RALA: variants seen among roughly 807,000 people sequenced by gnomAD.
RALA encodes the protein ras-related protein Ral-A.
Under a neutral mutation model 24.0 loss-of-function variants are expected in RALA, and 5 were observed. That is an observed-to-expected ratio of 0.21 (90% CI 0.11 to 0.44). The LOEUF is 0.44. Ranked by LOEUF, RALA falls within the 20% of genes least tolerant of loss-of-function variation. RALA has a pLI of 0.99. For missense variants in RALA, 95 were observed against 241.2 expected, an observed-to-expected ratio of 0.39 and a Z score of 4.01; for synonymous variants, 77 against 83.8, an observed-to-expected ratio of 0.92 and a Z score of 0.44.
At chr7:39,675,941 A>G (rs1792479717) in intron 1 of RALA, among the ~76,000 whole-genome samples, 2 of 152,042 alleles carry the variant, frequency 1.3e-5, no homozygotes, top group Admixed American at 6.6e-5. Context: ...CTTGAAATTT[A>G]TAATGATTTG....
chr7:39,682,405 G>A (rs898434550), intron 1 of RALA, among the ~76,000 whole-genome samples: 2 of 152,074 alleles, frequency 1.3e-5, no homozygotes, highest in African/African-American at 2.4e-5. Context: ...TACTTCCACT[G>A]TCCATTCTCT....
chr7:39,664,918 A>G (rs902149855), intron 1 of RALA, among the ~76,000 whole-genome samples: 3 of 152,154 alleles, frequency 2.0e-5, no homozygotes, highest in Non-Finnish European at 4.4e-5. Flanking sequence ...AACCCATAAA[A>G]CAAAGTGATG....
intron 1 of RALA, among the ~76,000 whole-genome samples, chr7:39,655,195 G>C (rs575632062): frequency 2.2e-4 from 33 of 152,268 alleles, no homozygotes; most frequent in Non-Finnish European, 4.0e-4. Flanking sequence ...TCCATCAACA[G>C]GTGAATGAAT....
At chr7:39,695,131 A>G (rs544820170) in intron 3 of RALA, among the ~76,000 whole-genome samples, 1 of 151,890 alleles carries the variant, frequency 6.6e-6, no homozygotes, top group South Asian at 2.1e-4. Context: ...ATATCCCTTT[A>G]ATTTTCTCAT....
chr7:39,655,068 A>G (rs891891107), intron 1 of RALA, among the ~76,000 whole-genome samples: 11 of 152,144 alleles, frequency 7.2e-5, no homozygotes, highest in Admixed American at 2.6e-4. Context: ...TTTTTTTGCA[A>G]TTGTATTTTT....
At chr7:39,654,603 A>G (rs1255600047) in intron 1 of RALA, among the ~76,000 whole-genome samples, 1 of 152,212 alleles carries the variant, frequency 6.6e-6, no homozygotes, top group Non-Finnish European at 1.5e-5. Flanking sequence ...TATCTAGGAA[A>G]TCATCGAATG....
intron 1 of RALA, among the ~76,000 whole-genome samples, chr7:39,639,590 A>G (rs922892143): frequency 6.6e-6 from 1 of 152,160 alleles, no homozygotes; most frequent in Non-Finnish European, 1.5e-5. Context: ...GAGAGAAATA[A>G]TAACAAATAT....
intron 1 of RALA, among the ~76,000 whole-genome samples, chr7:39,635,200 CT>C (rs1791668025): frequency 6.6e-6 from 1 of 152,006 alleles, no homozygotes; most frequent in African/African-American, 2.4e-5. Flanking sequence ...AGCCAAGCAT[CT>C]CTACAAAAAA....
chr7:39,667,051 A>G (rs17417084), intron 1 of RALA, among the ~76,000 whole-genome samples: 47,664 of 151,396 alleles, frequency 0.31, 8,239 homozygotes, highest in Non-Finnish European at 0.4. Context: ...CCTCACTCCC[A>G]CTCTTTTTGA....
At chr7:39,680,631 C>T (rs1287605751) in intron 1 of RALA, among the ~76,000 whole-genome samples, 4 of 149,578 alleles carry the variant, frequency 2.7e-5, no homozygotes, top group African/African-American at 9.8e-5. Context: ...TTTCCTTGTG[C>T]CTTTGTGATT....
chr7:39,664,437 C>T (rs561381918), intron 1 of RALA, among the ~76,000 whole-genome samples: 6 of 152,016 alleles, frequency 3.9e-5, no homozygotes, highest in Non-Finnish European at 7.4e-5. Flanking sequence ...TGGATAATGC[C>T]CCTGGCCACC....
chr7:39,687,688 A>G (rs1166568932), intron 2 of RALA, among the ~76,000 whole-genome samples: 3 of 152,198 alleles, frequency 2.0e-5, no homozygotes, highest in Non-Finnish European at 2.9e-5. Flanking sequence ...CAATGTAAGC[A>G]TTTATCCTCA....
chr7:39,672,898 G>A (rs1408613779), intron 1 of RALA, among the ~76,000 whole-genome samples: 1 of 152,174 alleles, frequency 6.6e-6, no homozygotes, highest in Non-Finnish European at 1.5e-5. Flanking sequence ...GTAGTTACAT[G>A]ACTGTATACA....
intron 1 of RALA, among the ~76,000 whole-genome samples, chr7:39,645,352 T>G (rs1318709089): frequency 6.6e-6 from 1 of 152,194 alleles, no homozygotes; most frequent in Admixed American, 6.5e-5. Context: ...ATTTCGTTTT[T>G]AAGGCAGTAA....
Position 39,670,738 on chromosome 7 carries a change from A to G in RALA, c.-37-15893A>G, listed in dbSNP as rs367747805. 6.6e-5 allele frequency among the ~76,000 whole-genome samples: 10 copies of G among 152,312 alleles called. No individual in the cohort carries two copies. In the East Asian group the frequency reaches 1.5e-3, roughly 24 times the overall value. ...TTTCCTTTTCCACCTTTCAGGTTCT[A>G]CCCTGTTACTTATTTCTCAATATTG... On this transcript the variant is annotated intron_variant, in intron 1 of 4. Coordinates refer to ENST00000005257, the MANE Select transcript of RALA (RefSeq NM_005402.4).
At chr7:39,660,572 T>G (rs1171281146) in intron 1 of RALA, among the ~76,000 whole-genome samples, 1 of 152,200 alleles carries the variant, frequency 6.6e-6, no homozygotes, top group Non-Finnish European at 1.5e-5. Flanking sequence ...GATTTTCTTA[T>G]TGGGCCCATT....
At chr7:39,678,692 G>T (rs1281759844) in intron 1 of RALA, among the ~76,000 whole-genome samples, 1 of 152,168 alleles carries the variant, frequency 6.6e-6, no homozygotes, top group Middle Eastern at 3.2e-3. Context: ...ACAAAGGCAT[G>T]TACATGTGGA....
intron 1 of RALA, among the ~76,000 whole-genome samples, chr7:39,626,475 A>C (rs571856841): frequency 6.6e-6 from 1 of 152,368 alleles, no homozygotes; most frequent in Admixed American, 6.5e-5. Context: ...CTGGAGCTTC[A>C]GGAAGGTGAA....
Position 39,667,137 on chromosome 7 carries a change from A to G in RALA, c.-37-19494A>G, listed in dbSNP as rs577745594. On this transcript the variant is annotated intron_variant, in intron 1 of 4. Coordinates refer to ENST00000005257, the MANE Select transcript of RALA (RefSeq NM_005402.4). Reference sequence around the variant, plus strand: ...GTCATCCATATCAGAAAACTGATTTACTCTTGAAGTTGGTATTGAAAAATA... The same window carrying G: ...GTCATCCATATCAGAAAACTGATTTGCTCTTGAAGTTGGTATTGAAAAATA... Among the ~76,000 whole-genome samples, 41 of 152,130 alleles carry G rather than the reference A, an allele frequency of 2.7e-4. 1 individual carries two copies. The South Asian group carries it at 7.9e-3, about 29-fold the overall frequency.
Sources: gnomAD v4.1 joint callset for allele counts (sites outside exome capture counted in the v4.1 genomes callset) on GRCh38, gnomAD v4.1.1 for gene constraint, MANE v1.5 for transcripts, NCBI Gene and HGNC (gene_info 2026-07-23, HGNC 2026-07-21) for gene names.